The following DISP1 variants were observed in gnomAD, a reference collection of about 807,000 sequenced individuals.
The protein encoded by DISP1 is protein dispatched homolog 1.
In DISP1, 30 loss-of-function variants were observed where a neutral mutation model predicts 37.3. That is an observed-to-expected ratio of 0.80 (90% CI 0.60 to 1.09). The LOEUF (loss-of-function observed/expected upper bound fraction) is 1.09, where lower values mean the gene tolerates loss of function less well. DISP1 is among the 50% of genes least tolerant of loss of function. The pLI is 0.00. For missense variants in DISP1, 1,598 were observed against 1,879.5 expected (o/e 0.85, Z 2.77); for synonymous variants, 634 against 690.2 (o/e 0.92, Z 1.28).
At chr1:222,949,772 G>A (rs141772561) in intron 3 of DISP1, among the ~76,000 whole-genome samples, 97 of 152,022 alleles carry the variant, frequency 6.4e-4, no homozygotes, top group African/African-American at 2.0e-3. Context: ...GATTACAGGC[G>A]CACACCACCA....
At position 222,893,159 on chromosome 1, in the gene DISP1, T is replaced by C. The variant is rs1342415951; in HGVS notation, c.-158-35271T>C. Among the ~76,000 whole-genome samples the C allele has an allele frequency of 1.3e-5, 2 of 152,252 alleles. No homozygotes were observed. Among genetic ancestry groups the C allele is most frequent in the African/African-American group, 4.8e-5 (2 of 41,472 alleles). On this transcript the variant is annotated intron_variant, in intron 1 of 8. Coordinates refer to ENST00000675850, the MANE Select transcript of DISP1 (RefSeq NM_001377229.1). The surrounding 1 kb of genome is among the most constrained non-coding windows in gnomAD (Gnocchi z 4.3). Reference sequence around the variant, plus strand: ...TATCACAATACCACAATATATTGGTTGATAATTATAAACCATGCCTTTATT... The same window carrying C: ...TATCACAATACCACAATATATTGGTCGATAATTATAAACCATGCCTTTATT...
At chr1:222,875,095 TGA>T (rs1347978379) in intron 1 of DISP1, among the ~76,000 whole-genome samples, 1 of 151,956 alleles carries the variant, frequency 6.6e-6, no homozygotes, top group Non-Finnish European at 1.5e-5. Context: ...GGATAGAAAA[TGA>T]GAGAGAATTT....
rs192050805 is a variant in DISP1 at position 222,979,282 on chromosome 1, G to A, written c.510-3798G>A. 7.6e-4 allele frequency among the ~76,000 whole-genome samples: 116 copies of A among 152,196 alleles called. 2 individuals are homozygous for A. Among genetic ancestry groups the A allele is most frequent in the African/African-American group, 2.6e-3 (106 of 41,534 alleles). ...TAAAAAATTAACTGGGTGTCATGGC[G>A]CACGCCTGTGGTCCCAACTACTCAG... is the stretch of plus-strand genomic sequence containing the variant. On this transcript the variant is annotated intron_variant, in intron 3 of 8. Transcript: ENST00000675850.
rs897895048 is a variant in DISP1, at chr1:223,004,918, A to G, written c.3521A>G (p.Asn1174Ser). 2.5e-6 allele frequency: 4 copies of G among 1,611,508 alleles called. No homozygotes were observed. Among genetic ancestry groups the G allele is most frequent in the Admixed American group, 3.3e-5 (2 of 60,016 alleles). ...GGACAAAGCAAAACACATACCATAA[A>G]TGCTTATCATTTAGATCCCAGGGGC... ...DKGQSKTHTI[N>S]AYHLDPRGPK... is the part of the protein sequence containing the mutation. The change falls in exon 9 of 9, where the codon AAT (asparagine) becomes AGT (serine). Residue 1174 changes from asparagine (N) to serine (S), a missense_variant. Transcript: ENST00000675850. The surrounding 1 kb of genome is among the most constrained non-coding windows in gnomAD (Gnocchi z 4.9).
intron 1 of DISP1, among the ~76,000 whole-genome samples, chr1:222,887,316 T>C (rs1670651413): frequency 6.6e-6 from 1 of 152,166 alleles, no homozygotes; most frequent in Non-Finnish European, 1.5e-5. Flanking sequence ...TCCTTCTGAT[T>C]GGCTGTTCTG....
At chr1:222,831,849 T>C (rs562049437) in intron 1 of DISP1, among the ~76,000 whole-genome samples, 39 of 152,180 alleles carry the variant, frequency 2.6e-4, no homozygotes, top group Non-Finnish European at 1.0e-4. Context: ...CTAGGACATA[T>C]AGGACCTTGA....
At chr1:222,966,631 G>T (rs1256228131) in intron 3 of DISP1, among the ~76,000 whole-genome samples, 1 of 152,152 alleles carries the variant, frequency 6.6e-6, no homozygotes, top group African/African-American at 2.4e-5. Flanking sequence ...GGTGATAGAA[G>T]CCTGAATGTT....
chr1:222,970,997 T>C (rs1676904523), intron 3 of DISP1, among the ~76,000 whole-genome samples: 1 of 152,188 alleles, frequency 6.6e-6, no homozygotes, highest in Admixed American at 6.6e-5. Flanking sequence ...CAGAAAAGTC[T>C]CATTATTTCC....
intron 3 of DISP1, 72 bp from the exon 4 acceptor site, chr1:222,983,008 G>A: frequency 8.7e-7 from 1 of 1,149,392 alleles, no homozygotes; most frequent in East Asian, 2.4e-5. Context: ...CATATGTAAA[G>A]CCTTTGTTTA....
At chr1:222,839,039 G>A (rs1365352845) in intron 1 of DISP1, among the ~76,000 whole-genome samples, 1 of 152,138 alleles carries the variant, frequency 6.6e-6, no homozygotes, top group Non-Finnish European at 1.5e-5. Context: ...TCACTCTAGG[G>A]CTGTTAGTTG....
Position 223,004,713 on chromosome 1 carries a change from A to G in DISP1, c.3316A>G (p.Thr1106Ala), listed in dbSNP as rs781666190. Residue 1106 changes from threonine to alanine, a missense_variant, in exon 9 of 9, where the codon ACC becomes GCC. Physicochemically the swap from Thr to Ala is moderately conservative, Grantham distance 58. Coordinates refer to ENST00000675850, the MANE Select transcript of DISP1 (RefSeq NM_001377229.1). This position sits in a 1 kb window ranked among gnomAD's most constrained non-coding sequence, Gnocchi z 4.9. ...MMMPSTVLAY[T>A]QLGTFMMLIM... The stretch of plus-strand genomic sequence containing the variant: ...GATGCCCTCCACAGTTCTAGCTTAC[A>G]CCCAGCTGGGCACCTTCATGATGCT... 9.3e-6 allele frequency: 15 copies of G among 1,613,872 alleles called. No individual in the cohort carries two copies. Among genetic ancestry groups the G allele is most frequent in the Non-Finnish European group, 1.3e-5 (15 of 1,180,000 alleles).
intron 2 of DISP1, among the ~76,000 whole-genome samples, chr1:222,936,798 T>TTATATATAA (rs1673826683): frequency 2.4e-5 from 1 of 42,190 alleles, no homozygotes; most frequent in Non-Finnish European, 4.8e-5. Context: ...ATATATAATA[T>TTATATATAA]ATTATATATA....
chr1:222,939,437 G>C (rs1294626563), intron 2 of DISP1, among the ~76,000 whole-genome samples: 2 of 148,496 alleles, frequency 1.3e-5, no homozygotes, highest in Non-Finnish European at 3.0e-5. Flanking sequence ...ATTGAGGAGG[G>C]TCTAGAGGGG....
chr1:222,974,012 A>T (rs1452025913), intron 3 of DISP1, among the ~76,000 whole-genome samples: 1 of 152,204 alleles, frequency 6.6e-6, no homozygotes, highest in African/African-American at 2.4e-5. Flanking sequence ...GGGTGTGACA[A>T]CATCGATTGT....
intron 1 of DISP1, among the ~76,000 whole-genome samples, chr1:222,886,130 G>A (rs1455402894): frequency 1.3e-5 from 2 of 152,156 alleles, no homozygotes; most frequent in African/African-American, 4.8e-5. Flanking sequence ...ACCTTTCAGC[G>A]ACACGTTTCC....
intron 1 of DISP1, among the ~76,000 whole-genome samples, chr1:222,897,084 G>A (rs1038672945): frequency 6.6e-6 from 1 of 152,140 alleles, no homozygotes; most frequent in African/African-American, 2.4e-5. Context: ...GCCCCAAACT[G>A]AAAACAATCT....
chr1:222,876,409 A>G lies in DISP1; in HGVS notation c.-158-52021A>G, dbSNP rs554515032. 3.3e-5 allele frequency among the ~76,000 whole-genome samples: 5 copies of G among 152,328 alleles called. No individual in the cohort carries two copies. In the South Asian group the frequency reaches 8.3e-4, roughly 25 times the overall value. On this transcript the variant is annotated intron_variant, in intron 1 of 8. Coordinates refer to ENST00000675850, the MANE Select transcript of DISP1 (RefSeq NM_001377229.1). ...TCTATGCACATATCCTTCTTCCCAG[A>G]CATTTCACTTCTTAGTGAAATACAG...
At chr1:222,941,853 C>A (rs1230882174) in intron 2 of DISP1, among the ~76,000 whole-genome samples, 1 of 150,710 alleles carries the variant, frequency 6.6e-6, no homozygotes, top group Non-Finnish European at 1.5e-5. Context: ...TTACAGTTTT[C>A]TTTTTGTTGT....
chr1:222,918,284 GAAAC>G (rs1672607030), intron 1 of DISP1, among the ~76,000 whole-genome samples: 2 of 152,146 alleles, frequency 1.3e-5, no homozygotes, highest in Admixed American at 1.3e-4. Context: ...TTAATTGGAG[GAAAC>G]AAACCCACTA....
Sources: allele counts gnomAD v4.1 joint callset (sites outside exome capture counted in the v4.1 genomes callset), GRCh38; gene constraint gnomAD v4.1.1; non-coding constraint Gnocchi (gnomAD v3.1); transcripts MANE v1.5; gene names NCBI Gene and HGNC (gene_info 2026-07-23, HGNC 2026-07-21).